Variants in NAALADL2 observed in about 807,000 individuals in gnomAD.
NAALADL2 encodes the protein N-acetylated alpha-linked acidic dipeptidase like 2, also known as inactive N-acetylated-alpha-linked acidic dipeptidase-like protein 2.
Under a neutral mutation model 87.2 loss-of-function variants are expected in NAALADL2, and 76 were observed. The ratio of observed to expected loss-of-function variants is 0.87; its 90% CI spans 0.72 to 1.05. The LOEUF is 1.05. Among genes scored for constraint, NAALADL2 ranks in the 50% least tolerant of loss-of-function variants. NAALADL2 has a pLI of 0.00. For missense variants in NAALADL2, 1,089 were observed against 945.8 expected, an observed-to-expected ratio of 1.15 and a Z score of -1.99; for synonymous variants, 354 against 331.0, an observed-to-expected ratio of 1.07 and a Z score of -0.75.
intron 5 of NAALADL2, among the ~76,000 whole-genome samples, chr3:175,344,623 A>G (rs1762936026): frequency 6.6e-6 from 1 of 152,052 alleles, no homozygotes; most frequent in South Asian, 2.1e-4. Context: ...ACTATGGACT[A>G]TTGACACGTA....
intron 2 of NAALADL2, among the ~76,000 whole-genome samples, chr3:174,735,135 G>A (rs1733073168): frequency 6.6e-6 from 1 of 152,082 alleles, no homozygotes; most frequent in African/African-American, 2.4e-5. Flanking sequence ...GCACAAATAA[G>A]TAGCTTCATA....
At chr3:175,080,836 T>C (rs765146059) in intron 1 of NAALADL2, among the ~76,000 whole-genome samples, 7 of 152,228 alleles carry the variant, frequency 4.6e-5, no homozygotes, top group Non-Finnish European at 8.8e-5. Flanking sequence ...ACAATTTAGA[T>C]TCATAAAACC....
chr3:174,497,475 A>AG (rs34035207), intron 1 of NAALADL2, among the ~76,000 whole-genome samples: 63,093 of 151,494 alleles, frequency 0.42, 14,073 homozygotes, highest in East Asian at 0.88. Context: ...TTTAAAAAGA[A>AG]GAAGCGAAAA....
At chr3:174,711,553 A>G (rs778687045) in intron 2 of NAALADL2, among the ~76,000 whole-genome samples, 1 of 152,208 alleles carries the variant, frequency 6.6e-6, no homozygotes, top group Non-Finnish European at 1.5e-5. Flanking sequence ...TTTACTCATT[A>G]AGGGTAAACT....
chr3:175,484,809 C>G (rs886385672), intron 9 of NAALADL2, among the ~76,000 whole-genome samples: 1 of 151,978 alleles, frequency 6.6e-6, no homozygotes, highest in Non-Finnish European at 1.5e-5. Context: ...TTTTTCTTTG[C>G]TTTTTTGTCA....
chr3:174,906,045 T>C (rs1416506534), intron 1 of NAALADL2, among the ~76,000 whole-genome samples: 1 of 152,126 alleles, frequency 6.6e-6, no homozygotes, highest in African/African-American at 2.4e-5. Context: ...AGCATTAACC[T>C]CATTCACAGT....
At chr3:175,697,557 G>A (rs1738007580) in intron 11 of NAALADL2, among the ~76,000 whole-genome samples, 2 of 151,778 alleles carry the variant, frequency 1.3e-5, no homozygotes, top group Non-Finnish European at 2.9e-5. Flanking sequence ...GATTTTAGAT[G>A]TAGAAGTTGA....
chr3:175,561,679 A>C (rs1476590235), intron 9 of NAALADL2, among the ~76,000 whole-genome samples: 2 of 152,098 alleles, frequency 1.3e-5, no homozygotes, highest in Non-Finnish European at 2.9e-5. Flanking sequence ...AGATCTTATA[A>C]ACATGCCAGC....
chr3:174,946,553 T>C lies in NAALADL2; in HGVS notation c.43+87103T>C, dbSNP rs2108493476. ...AAGTCACTTAGAACAGTGCATGTTA[T>C]AGTATCAAGTAAGTTCTGAATGTAT... On this transcript the variant is annotated intron_variant, in intron 1 of 13. Coordinates refer to ENST00000454872, the MANE Select transcript of NAALADL2 (RefSeq NM_207015.3). Among the ~76,000 whole-genome samples, 4 of 152,364 alleles carry C rather than the reference T, an allele frequency of 2.6e-5. No homozygotes were observed. The South Asian group carries it at 8.3e-4, about 32-fold the overall frequency.
At chr3:175,430,964 T>A (rs1455103263) in intron 5 of NAALADL2, among the ~76,000 whole-genome samples, 1 of 152,076 alleles carries the variant, frequency 6.6e-6, no homozygotes, top group African/African-American at 2.4e-5. Context: ...CTCATTGATA[T>A]TTTTATTGAA....
intron 2 of NAALADL2, among the ~76,000 whole-genome samples, chr3:174,709,000 C>G (rs1193372046): frequency 1.3e-5 from 2 of 151,974 alleles, no homozygotes; most frequent in South Asian, 2.1e-4. Flanking sequence ...CTTCTCAACC[C>G]AACATGATTC....
chr3:174,885,474 T>C (rs528300764), intron 1 of NAALADL2, among the ~76,000 whole-genome samples: 18 of 152,208 alleles, frequency 1.2e-4, no homozygotes, highest in Non-Finnish European at 2.5e-4. Flanking sequence ...AAAGGTATTA[T>C]GTATAGAGTC....
chr3:174,797,450 G>T (rs991305838), intron 3 of NAALADL2, among the ~76,000 whole-genome samples: 1 of 150,958 alleles, frequency 6.6e-6, no homozygotes, highest in Non-Finnish European at 1.5e-5. Flanking sequence ...TAGTGGAATT[G>T]CAGGCGCCTT....
At chr3:175,667,225 A>AAGAG (rs1210715444) in intron 11 of NAALADL2, among the ~76,000 whole-genome samples, 2 of 124,530 alleles carry the variant, frequency 1.6e-5, no homozygotes, top group African/African-American at 8.8e-5. Context: ...GAAAGAAAGA[A>AAGAG]AGAAAGAAAG....
chr3:175,151,210 A>G (rs1355216807), intron 2 of NAALADL2, among the ~76,000 whole-genome samples: 1 of 152,108 alleles, frequency 6.6e-6, no homozygotes, highest in African/African-American at 2.4e-5. Context: ...TTTCTCACTT[A>G]CCGCATATCA....
At chr3:174,542,462 G>A (rs1282386878) in intron 1 of NAALADL2, among the ~76,000 whole-genome samples, 1 of 152,168 alleles carries the variant, frequency 6.6e-6, no homozygotes, top group Non-Finnish European at 1.5e-5. Flanking sequence ...AAGATGGGAT[G>A]AGTTGGAAGT....
chr3:175,071,046 T>C (rs1170798863), intron 1 of NAALADL2, among the ~76,000 whole-genome samples: 2 of 152,162 alleles, frequency 1.3e-5, no homozygotes, highest in Non-Finnish European at 2.9e-5. Context: ...GCTGAGGACT[T>C]AGCTGGCTTC....
At chr3:175,652,870 C>T (rs1730971514) in intron 11 of NAALADL2, among the ~76,000 whole-genome samples, 1 of 152,072 alleles carries the variant, frequency 6.6e-6, no homozygotes, top group Non-Finnish European at 1.5e-5. Flanking sequence ...ACTGACTACT[C>T]ATGGGGTTGA....
chr3:174,789,715 C>T (rs1717235554), intron 3 of NAALADL2, among the ~76,000 whole-genome samples: 1 of 152,182 alleles, frequency 6.6e-6, no homozygotes, highest in Non-Finnish European at 1.5e-5. Flanking sequence ...CCATCAGCAG[C>T]TAATATCATA....
Sources: gnomAD v4.1 joint callset for allele counts (sites outside exome capture counted in the v4.1 genomes callset) on GRCh38, gnomAD v4.1.1 for gene constraint, MANE v1.5 for transcripts, NCBI Gene and HGNC (gene_info 2026-07-23, HGNC 2026-07-21) for gene names.